The following WDR97 variants were observed in gnomAD, a reference collection of about 807,000 sequenced individuals.
The protein encoded by WDR97 is WD repeat-containing protein 97.
In WDR97, 111 loss-of-function variants were observed where a neutral mutation model predicts 65.4. That is an observed-to-expected ratio of 1.70 (90% CI 1.45 to 1.99). The LOEUF is 1.99. Among genes scored for constraint, WDR97 ranks in the 30% most tolerant of loss-of-function variants. WDR97 has a pLI of 0.00. For synonymous variants in WDR97, 802 were observed against 397.7 expected (o/e 2.02, Z -12.10); for missense variants, 1,674 against 865.0 (o/e 1.94, Z -11.73).
chr8:144,112,536 AC>A lies in WDR97; in HGVS notation c.3105+11del. 1.4e-6 allele frequency: 1 copy of A among 700,914 alleles called. No homozygotes were observed. The highest frequency in any genetic ancestry group is 2.6e-6 in the Non-Finnish European group (1 of 384,458). The allele number at this position is 700,914 out of a possible 1,614,324, so 43.4% of individuals were successfully genotyped here. A position where few individuals can be genotyped will look rare whatever the true frequency, so the allele number is the denominator to read the frequency against. On this transcript the variant is annotated splice_region_variant and intron_variant, in intron 15 of 23. Coordinates refer to ENST00000323662, the MANE Select transcript of WDR97 (RefSeq NM_001316309.2). ...CCACCGTGCAGCCCCACAAGGTGAG[AC>A]CCCCTCCCAGCTCCTGGAGAGCCAC... is the stretch of plus-strand genomic sequence containing the variant.
rs1209163147 is a variant in WDR97, at chr8:144,113,662, G to T, written c.3189G>T (p.Gly1063=). The change falls in exon 17 of 24, where the codon GGG becomes GGT. Residue 1063 remains glycine, a synonymous_variant. Transcript: ENST00000323662. The part of the protein sequence containing the change: ...LQQMWLNAEP[G]ASQDALWLWR... The stretch of plus-strand genomic sequence containing the variant: ...CATCTCTTGCCCCTCTGCAGCCAGG[G>T]GCAAGCCAGGATGCCCTGTGGTTGT... 1.5e-5 allele frequency: 10 copies of T among 658,068 alleles called. No homozygotes were observed. Among genetic ancestry groups the T allele is most frequent in the South Asian group, 3.3e-5 (2 of 60,438 alleles). 40.8% of individuals were successfully genotyped at this position (658,068 alleles called of 1,614,324 possible).
chr8:144,110,815 A>G, intron 8 of WDR97, 49 bp from the exon 9 acceptor site: 1 of 702,508 alleles, frequency 1.4e-6, no homozygotes, highest in South Asian at 1.5e-5. Flanking sequence ...GACTGAGTGG[A>G]GAAGGCCTTG....
chr8:144,111,864 T>C (rs1736872907), intron 12 of WDR97, 23 bp from the exon 13 acceptor site: 1 of 700,254 alleles, frequency 1.4e-6, no homozygotes, highest in African/African-American at 1.8e-5. Flanking sequence ...TCTGATGGTC[T>C]GTCTGCTCCT....
rs1836664405 is a variant in WDR97, at chr8:144,116,238, C to T, written c.4814C>T (p.Pro1605Leu). The T allele has an allele frequency of 1.5e-6, 1 of 680,124 alleles. No individual in the cohort carries two copies. The highest frequency in any genetic ancestry group is 1.8e-5 in the African/African-American group (1 of 56,266). The allele number at this position is 680,124 out of a possible 1,614,324, so 42.1% of individuals were successfully genotyped here. ...CCGCTGCCCCCGCGGCTCCTGCAGC[C>T]GGCCCTGCAGCGCTACTTTCTGCCA... ...PRPLPPRLLQ[P>L]ALQRYFLPAD... Residue 1605 changes from proline to leucine, a missense_variant, in exon 24 of 24, where the codon CCG (proline) becomes CTG (leucine). Transcript: ENST00000323662.
rs1564321425 is a variant in WDR97 at position 144,111,206 on chromosome 8, GGGGCAGCCAGCCT to G, written c.2411_2423del (p.Gly804AlafsTer27). ...ACTGCAGAGGCTCACCAACCTCCAT[GGGGCAGCCAGCCT>G]CAGGTCCCATGCAGGCCTGCTCAGC... On this transcript the variant is annotated frameshift_variant, in exon 10 of 24. Transcript: ENST00000323662. LOFTEE classifies it high-confidence loss of function. The G allele has an allele frequency of 1.4e-6, 1 of 702,718 alleles. No individual in the cohort carries two copies. The highest frequency in any genetic ancestry group is 1.7e-5 in the African/African-American group (1 of 57,378). The allele number at this position is 702,718 out of a possible 1,614,324, so 43.5% of individuals were successfully genotyped here. A position where few individuals can be genotyped will look rare whatever the true frequency, so the allele number is the denominator to read the frequency against.
Position 144,116,363 on chromosome 8 carries a change from G to C in WDR97, c.*70G>C. ...GGTATTTGGCCAAGGCCTGCATCGG[G>C]AATAAAGTCCAGAGAATTTCTTTCT... is the stretch of plus-strand genomic sequence containing the variant. On this transcript the variant is annotated 3_prime_UTR_variant, in exon 24 of 24. Coordinates refer to ENST00000323662, the MANE Select transcript of WDR97 (RefSeq NM_001316309.2). 1 of 567,504 alleles carries C rather than the reference G, an allele frequency of 1.8e-6. No homozygotes were observed. Among genetic ancestry groups the C allele is most frequent in the African/African-American group, 2.0e-5 (1 of 51,058 alleles). 35.2% of individuals were successfully genotyped at this position (567,504 alleles called of 1,614,324 possible). A position where few individuals can be genotyped will look rare whatever the true frequency, so the allele number is the denominator to read the frequency against.
chr8:144,113,955 G>GAGA, intron 17 of WDR97, 22 bp from the exon 18 acceptor site: 1 of 698,768 alleles, frequency 1.4e-6, no homozygotes. Context: ...GGTGGGACCT[G>GAGA]CAGCCACTGC....
Position 144,116,263 on chromosome 8 carries a change from A to AGCGGAC in WDR97, c.4846_4851dup (p.Ala1616_Asp1617dup), listed in dbSNP as rs1292710399. ...CGGCCCTGCAGCGCTACTTTCTGCCAGCGGACGCGGACCCTGACACCTACA... is the reference window on the plus strand; with the variant it reads ...CGGCCCTGCAGCGCTACTTTCTGCCAGCGGACGCGGACGCGGACCCTGACACCTACA... On this transcript the variant is annotated inframe_insertion, in exon 24 of 24. Coordinates refer to ENST00000323662, the MANE Select transcript of WDR97 (RefSeq NM_001316309.2). 9 of 661,658 alleles carry AGCGGAC rather than the reference A, an allele frequency of 1.4e-5. No individual in the cohort carries two copies. Among genetic ancestry groups the AGCGGAC allele is most frequent in the Middle Eastern group, 2.4e-4 (1 of 4,182 alleles). 41.0% of individuals were successfully genotyped at this position (661,658 alleles called of 1,614,324 possible). A position where few individuals can be genotyped will look rare whatever the true frequency, so the allele number is the denominator to read the frequency against.
At position 144,116,014 on chromosome 8, in the gene WDR97, G is replaced by A. The variant is rs1196481036; in HGVS notation, c.4666+1G>A. 1 of 700,050 alleles carries A rather than the reference G, an allele frequency of 1.4e-6. No individual in the cohort carries two copies. The highest frequency in any genetic ancestry group is 2.7e-5 in the East Asian group (1 of 37,246). The allele number at this position is 700,050 out of a possible 1,614,324, so 43.4% of individuals were successfully genotyped here. ...GCGAGGTCCGCGATGAGACTGAGGG[G>A]TGAGTGGAGCCAGGGGTGGAGACTG... On this transcript the variant is annotated splice_donor_variant, in intron 23 of 23. Coordinates refer to ENST00000323662, the MANE Select transcript of WDR97 (RefSeq NM_001316309.2). LOFTEE classifies it high-confidence loss of function.
At position 144,114,283 on chromosome 8, in the gene WDR97, C is replaced by T. The variant is rs1169553089; in HGVS notation, c.3600C>T (p.Tyr1200=). The T allele has an allele frequency of 1.4e-6, 1 of 700,984 alleles. No individual in the cohort carries two copies. Among genetic ancestry groups the T allele is most frequent in the Non-Finnish European group, 2.6e-6 (1 of 383,696 alleles). 43.4% of individuals were successfully genotyped at this position (700,984 alleles called of 1,614,324 possible). The change falls in exon 19 of 24, where the codon TAC becomes TAT. Residue 1200 remains tyrosine (Y), a synonymous_variant. Transcript: ENST00000323662. ...CTCAGCATGCTACCCTGCAGGCATACCCGGAGGCGGGCACGATCGAGGGCC... is the reference window on the plus strand; with the variant it reads ...CTCAGCATGCTACCCTGCAGGCATATCCGGAGGCGGGCACGATCGAGGGCC... ...KLFPIFSLQA[Y]PEAGTIEGLA...
At chr8:144,108,233 C>T (rs1427430176) in intron 2 of WDR97, 38 bp downstream of exon 2, 4 of 694,974 alleles carry the variant, frequency 5.8e-6, no homozygotes, top group African/African-American at 1.8e-5. Context: ...GGCCTCTTTC[C>T]GGATCTGGGC....
rs951367691 is a variant in WDR97 at position 144,110,546 on chromosome 8, G to A, written c.2049G>A (p.Arg683=). The A allele has an allele frequency of 8.5e-6, 6 of 702,760 alleles. No individual in the cohort carries two copies. The highest frequency in any genetic ancestry group is 1.6e-5 in the Non-Finnish European group (6 of 384,952). 43.5% of individuals were successfully genotyped at this position (702,760 alleles called of 1,614,324 possible). A position where few individuals can be genotyped will look rare whatever the true frequency, so the allele number is the denominator to read the frequency against. Reference sequence around the variant, plus strand: ...GCGACAGTCCGCGATTAGACCACCGGCCCCAGGACGACCCCACGGACCACA... The same window carrying A: ...GCGACAGTCCGCGATTAGACCACCGACCCCAGGACGACCCCACGGACCACA... ...GLGDSPRLDH[R]PQDDPTDHIT... The change falls in exon 7 of 24, where the codon CGG becomes CGA. Residue 683 remains arginine, a synonymous_variant. Coordinates refer to ENST00000323662, the MANE Select transcript of WDR97 (RefSeq NM_001316309.2).
At position 144,116,494 on chromosome 8, in the gene WDR97, G is replaced by A; in HGVS notation, c.*201G>A. 2.0e-6 allele frequency: 1 copy of A among 499,530 alleles called. No individual in the cohort carries two copies. Among genetic ancestry groups the A allele is most frequent in the Non-Finnish European group, 3.5e-6 (1 of 285,356 alleles). The allele number at this position is 499,530 out of a possible 1,614,324, so 30.9% of individuals were successfully genotyped here. A position where few individuals can be genotyped will look rare whatever the true frequency, so the allele number is the denominator to read the frequency against. ...AGGCAGGAGCCGGAGGCCTGGCGGAGGTGGCCATCGTGGGCACCAGCGTTC... is the reference window on the plus strand; with the variant it reads ...AGGCAGGAGCCGGAGGCCTGGCGGAAGTGGCCATCGTGGGCACCAGCGTTC... On this transcript the variant is annotated 3_prime_UTR_variant, in exon 24 of 24. Coordinates refer to ENST00000323662, the MANE Select transcript of WDR97 (RefSeq NM_001316309.2).
At position 144,109,663 on chromosome 8, in the gene WDR97, T is replaced by C; in HGVS notation, c.1329T>C (p.Pro443=). The part of the protein sequence containing the change: ...ALPAPAHQSL[P]TRLVCACADG... ...CCGCGCCTGCGCACCAGTCGCTGCC[T>C]ACGCGCCTCGTGTGCGCGTGCGCCG... is the stretch of plus-strand genomic sequence containing the variant. Residue 443 remains proline, a synonymous_variant, in exon 5 of 24, where the codon CCT becomes CCC. Transcript: ENST00000323662. 2 of 669,276 alleles carry C rather than the reference T, an allele frequency of 3.0e-6. No individual in the cohort carries two copies. Among genetic ancestry groups the C allele is most frequent in the Admixed American group, 2.2e-5 (1 of 45,450 alleles). 41.5% of individuals were successfully genotyped at this position (669,276 alleles called of 1,614,324 possible).
chr8:144,114,106 C>T lies in WDR97; in HGVS notation c.3538C>T (p.His1180Tyr). 5.7e-6 allele frequency: 4 copies of T among 702,848 alleles called. No individual in the cohort carries two copies. The highest frequency in any genetic ancestry group is 7.8e-6 in the Non-Finnish European group (3 of 384,984). 43.5% of individuals were successfully genotyped at this position (702,848 alleles called of 1,614,324 possible). The change falls in exon 18 of 24, where the codon CAT becomes TAT. Residue 1180 changes from histidine to tyrosine, a missense_variant. Transcript: ENST00000323662. ...EHYGHLPKFLHFFIYQTWFKK... is the reference protein window; with the variant it reads ...EHYGHLPKFLYFFIYQTWFKK... The stretch of plus-strand genomic sequence containing the variant: ...TTACGGGCATCTGCCCAAGTTTCTG[C>T]ATTTCTTCATCTACCAGACCTGGTT...
chr8:144,110,260 A>G lies in WDR97; in HGVS notation c.1843+4A>G, dbSNP rs1305049305. On this transcript the variant is annotated splice_donor_region_variant and intron_variant, in intron 6 of 23. Transcript: ENST00000323662. ...TGGAACAGCATTGTGTCTTCGGGTCAGTAGCTCCCCTGCCAAAGGCCAGGC... is the reference window on the plus strand; with the variant it reads ...TGGAACAGCATTGTGTCTTCGGGTCGGTAGCTCCCCTGCCAAAGGCCAGGC... 1 of 702,384 alleles carries G rather than the reference A, an allele frequency of 1.4e-6. No homozygotes were observed. The highest frequency in any genetic ancestry group is 2.7e-5 in the East Asian group (1 of 37,246). 43.5% of individuals were successfully genotyped at this position (702,384 alleles called of 1,614,324 possible). A position where few individuals can be genotyped will look rare whatever the true frequency, so the allele number is the denominator to read the frequency against.
chr8:144,115,112 C>T (rs1836624617), intron 21 of WDR97, among the ~76,000 whole-genome samples: 1 of 150,070 alleles, frequency 6.7e-6, no homozygotes, highest in Non-Finnish European at 1.5e-5. Flanking sequence ...CTGGCCCGAA[C>T]CAGGGACAGC....
In WDR97 at chr8:144,116,428, C is replaced by CGGCGTGTG. The variant is rs1836669177; in HGVS notation, c.*142_*149dup. The CGGCGTGTG allele has an allele frequency of 1.8e-6, 1 of 546,430 alleles. No homozygotes were observed. The highest frequency in any genetic ancestry group is 2.5e-5 in the South Asian group (1 of 39,582). 33.8% of individuals were successfully genotyped at this position (546,430 alleles called of 1,614,324 possible). On this transcript the variant is annotated 3_prime_UTR_variant, in exon 24 of 24. Transcript: ENST00000323662. The stretch of plus-strand genomic sequence containing the variant: ...GCTTTGGAGGGCCCCGGGGTGCGCA[C>CGGCGTGTG]GGCGTGTGGGCGTGCGGCCTGAACC...
chr8:144,115,748 G>A lies in WDR97; in HGVS notation c.4485G>A (p.Arg1495=). The change falls in exon 22 of 24, where the codon CGG becomes CGA. Residue 1495 remains arginine (R), a synonymous_variant. Transcript: ENST00000323662. ...TCAACTTCTTCTGTGAGCAGCTGCG[G>A]GCGCAGCAGCGGAGTTCGCTCCAGG... is the stretch of plus-strand genomic sequence containing the variant. The part of the protein sequence containing the change: ...DALNFFCEQL[R]AQQRSSLQEK... The A allele has an allele frequency of 1.4e-6, 1 of 701,412 alleles. No homozygotes were observed. Among genetic ancestry groups the A allele is most frequent in the South Asian group, 1.5e-5 (1 of 67,498 alleles). 43.4% of individuals were successfully genotyped at this position (701,412 alleles called of 1,614,324 possible).
Sources: gnomAD v4.1 joint callset for allele counts (sites outside exome capture counted in the v4.1 genomes callset) on GRCh38, gnomAD v4.1.1 for gene constraint, MANE v1.5 for transcripts, NCBI Gene and HGNC (gene_info 2026-07-23, HGNC 2026-07-21) for gene names.